Variants in MEIOB observed in about 807,000 individuals in gnomAD.
MEIOB encodes the protein meiosis specific with OB-fold.
Under a neutral mutation model 53.1 loss-of-function variants are expected in MEIOB, and 50 were observed. The observed-to-expected ratio is 0.94, with a 90% CI of 0.75 to 1.19. MEIOB has a LOEUF of 1.19. MEIOB is among the 50% of genes most tolerant of loss of function. The probability of loss-of-function intolerance (pLI) is 0.00; values close to 1 mark genes in which losing one functional copy is unlikely to be tolerated. For missense variants in MEIOB, 551 were observed against 550.8 expected (o/e 1.00, Z 0.00); for synonymous variants, 192 against 182.5 (o/e 1.05, Z -0.42).
rs373697019 is a variant in MEIOB, at chr16:1,838,850, C to A, written c.1218+405G>T. ...AGGATTACAAGTGCACGTCACCACA[C>A]CCAGCTAATTTTTGTATTTTTAGTA... is the stretch of plus-strand genomic sequence containing the variant. On this transcript the variant is annotated intron_variant, in intron 12 of 13. Transcript: ENST00000325962. 7.9e-5 allele frequency among the ~76,000 whole-genome samples: 12 copies of A among 152,230 alleles called. No individual in the cohort carries two copies. The South Asian group carries it at 2.3e-3, about 29-fold the overall frequency.
intron 9 of MEIOB, among the ~76,000 whole-genome samples, chr16:1,849,829 A>G (rs1899117950): frequency 6.6e-6 from 1 of 152,192 alleles, no homozygotes; most frequent in South Asian, 2.1e-4. Flanking sequence ...CTTGAAAAGT[A>G]CTGAGAACAG....
At chr16:1,866,034 A>G (rs1237933700) in intron 2 of MEIOB, among the ~76,000 whole-genome samples, 199 bp from the exon 3 acceptor site, 1 of 152,240 alleles carries the variant, frequency 6.6e-6, no homozygotes, top group African/African-American at 2.4e-5. Context: ...AAAGTAATCC[A>G]AAAGTTAACT....
intron 6 of MEIOB, among the ~76,000 whole-genome samples, chr16:1,856,759 C>CTT (rs3045430): frequency 0.014 from 1,166 of 84,132 alleles, 21 homozygotes; most frequent in East Asian, 0.027. Flanking sequence ...CACGCCAGGC[C>CTT]TTTTTTTTTT....
At chr16:1,840,544 A>AT (rs1477489763) in intron 11 of MEIOB, among the ~76,000 whole-genome samples, 1,020 of 24,784 alleles carry the variant, frequency 0.041, 16 homozygotes, top group African/African-American at 0.13. Context: ...CTCTCTTATT[A>AT]TTATTTTTTT....
At chr16:1,848,479 C>A (rs1001783888) in intron 9 of MEIOB, among the ~76,000 whole-genome samples, 2 of 151,628 alleles carry the variant, frequency 1.3e-5, no homozygotes, top group African/African-American at 2.4e-5. Flanking sequence ...GCATGTCTGG[C>A]ATAAGCCAGC....
At chr16:1,852,940 T>G (rs116991085) in intron 9 of MEIOB, 99 bp downstream of exon 9, 10,877 of 765,608 alleles carry the variant, frequency 0.014, 92 homozygotes, top group Middle Eastern at 0.021. Flanking sequence ...TAATTTGAAT[T>G]AAATCCAGGC....
chr16:1,857,129 G>C (rs941633777), intron 6 of MEIOB, among the ~76,000 whole-genome samples: 9 of 152,240 alleles, frequency 5.9e-5, no homozygotes, highest in Admixed American at 1.3e-4. Context: ...CCGCCTTGTG[G>C]CTCTGGTCTG....
rs116364497 is a variant in MEIOB, at chr16:1,841,405, C to T, written c.1034+415G>A. Among the ~76,000 whole-genome samples, 197 of 152,238 alleles carry T rather than the reference C, an allele frequency of 1.3e-3. 1 individual carries two copies. Among genetic ancestry groups the T allele is most frequent in the African/African-American group, 4.5e-3 (185 of 41,538 alleles). On this transcript the variant is annotated intron_variant, in intron 11 of 13. Transcript: ENST00000325962. ...AGGCTGGACTCAAACTCTTCAAACT[C>T]CTGGGCTCAACCGATCCTCCCACCT...
At chr16:1,865,431 CA>C (rs375392458) in intron 3 of MEIOB, among the ~76,000 whole-genome samples, 3 of 144,106 alleles carry the variant, frequency 2.1e-5, no homozygotes, top group Non-Finnish European at 1.5e-5. Flanking sequence ...GCCTCCATCT[CA>C]AAAAAAAAAA....
Position 1,857,780 on chromosome 16 carries a change from G to A in MEIOB, c.483C>T (p.His161=). 1 of 1,551,928 alleles carries A rather than the reference G, an allele frequency of 6.4e-7. No individual in the cohort carries two copies. Among genetic ancestry groups the A allele is most frequent in the Non-Finnish European group, 8.7e-7 (1 of 1,147,006 alleles). Residue 161 remains histidine (H), a synonymous_variant, in exon 6 of 14, where the codon CAC becomes CAT. Transcript: ENST00000325962. ...YSLGDIVANG[H]SLNGRIINVL... is the part of the protein sequence containing the mutation. Reference sequence around the variant, plus strand: ...CGTTAATAATCCTCCCATTAAGACTGTGTCCATTTGCAACAATGTCACCCA... The same window carrying A: ...CGTTAATAATCCTCCCATTAAGACTATGTCCATTTGCAACAATGTCACCCA...
At chr16:1,835,261 T>C (rs1252885399) in intron 13 of MEIOB, among the ~76,000 whole-genome samples, 2 of 145,250 alleles carry the variant, frequency 1.4e-5, no homozygotes, top group African/African-American at 2.6e-5. Flanking sequence ...AGACTGTGTC[T>C]CAAAAAAAAA....
intron 11 of MEIOB, chr16:1,839,701 A>C: frequency 2.6e-6 from 1 of 378,600 alleles, no homozygotes; most frequent in Non-Finnish European, 4.8e-6. Flanking sequence ...CTCGAGGTCC[A>C]TCCCAGTCTC....
At chr16:1,871,729 G>T (rs1596990440) in intron 1 of MEIOB, among the ~76,000 whole-genome samples, 2 of 147,358 alleles carry the variant, frequency 1.4e-5, no homozygotes, top group Middle Eastern at 3.4e-3. Flanking sequence ...TGCACCTGAG[G>T]TGGGCAGATC....
chr16:1,837,729 G>C, intron 13 of MEIOB, 55 bp downstream of exon 13: 1 of 914,426 alleles, frequency 1.1e-6, no homozygotes, highest in South Asian at 1.8e-5. Context: ...CTTATGGTTT[G>C]AATATACAGA....
chr16:1,851,877 T>C (rs1375627376), intron 9 of MEIOB, among the ~76,000 whole-genome samples: 1 of 152,174 alleles, frequency 6.6e-6, no homozygotes, highest in Non-Finnish European at 1.5e-5. Context: ...AAAGGATTGA[T>C]TACTCCATTT....
chr16:1,846,459 G>C (rs1899028744), intron 9 of MEIOB, among the ~76,000 whole-genome samples: 1 of 152,158 alleles, frequency 6.6e-6, no homozygotes, highest in East Asian at 1.9e-4. Flanking sequence ...GCCATTTAGA[G>C]CTTCTTAATT....
chr16:1,861,214 C>G (rs574012028), intron 4 of MEIOB, among the ~76,000 whole-genome samples: 2 of 152,276 alleles, frequency 1.3e-5, no homozygotes, highest in East Asian at 3.9e-4. Flanking sequence ...CTATATGAGG[C>G]TGTTCTGTCA....
At chr16:1,842,403 T>C (rs1318319749) in intron 10 of MEIOB, among the ~76,000 whole-genome samples, 1 of 148,688 alleles carries the variant, frequency 6.7e-6, no homozygotes, top group African/African-American at 2.5e-5. Flanking sequence ...TCACCTGAGG[T>C]TGGGAGATCG....
chr16:1,836,447 A>G (rs558489538), intron 13 of MEIOB, among the ~76,000 whole-genome samples: 1 of 152,290 alleles, frequency 6.6e-6, no homozygotes, highest in South Asian at 2.1e-4. Context: ...CTGGAGGGAA[A>G]GTATACAGGG....
Sources: allele counts gnomAD v4.1 joint callset (sites outside exome capture counted in the v4.1 genomes callset), GRCh38; gene constraint gnomAD v4.1.1; transcripts MANE v1.5; gene names NCBI Gene and HGNC (gene_info 2026-07-23, HGNC 2026-07-21).